F5: variants seen among roughly 807,000 people sequenced by gnomAD.
The protein encoded by F5 is coagulation factor V.
A neutral mutation model predicts 216.4 loss-of-function variants in F5; 138 were observed. That is an observed-to-expected ratio of 0.64 (90% confidence interval 0.56 to 0.73). The LOEUF (loss-of-function observed/expected upper bound fraction) is 0.73. Ranked by LOEUF, F5 falls within the 30% of genes least tolerant of loss-of-function variation. The pLI is 0.00. For synonymous variants in F5, 916 were observed against 930.7 expected (o/e 0.98, Z 0.29); for missense variants, 2,403 against 2,674.0 (o/e 0.90, Z 2.24).
chr1:169,546,653 A>G (rs554008319), intron 10 of F5, 61 bp from the exon 11 acceptor site: 2 of 1,475,724 alleles, frequency 1.4e-6, no homozygotes, highest in African/African-American at 2.8e-5. Flanking sequence ...ATGGAACAGA[A>G]TAGAGAACTC....
chr1:169,552,437 G>A, intron 8 of F5, 120 bp downstream of exon 8: 1 of 824,378 alleles, frequency 1.2e-6, no homozygotes, highest in South Asian at 1.8e-5. Context: ...AAAACTAAAA[G>A]TTGCATTTGA....
At position 169,550,860 on chromosome 1, in the gene F5, A is replaced by G. The variant is rs10800456; in HGVS notation, c.1297-121T>C. ...GTGTGTATACATGTGTACACACAGT[A>G]GGAAAATTAGATCTGTTTATCTGAG... On this transcript the variant is annotated intron_variant, in intron 8 of 24. Coordinates refer to ENST00000367797, the MANE Select transcript of F5 (RefSeq NM_000130.5). The G allele has an allele frequency of 0.41, 299,790 of 725,332 alleles. 71,226 individuals are homozygous for G. The highest frequency in any genetic ancestry group is 0.91 in the East Asian group (33,421 of 36,898). 44.9% of individuals were successfully genotyped at this position (725,332 alleles called of 1,614,324 possible).
At chr1:169,573,020 C>A (rs1660762041) in intron 2 of F5, among the ~76,000 whole-genome samples, 1 of 151,870 alleles carries the variant, frequency 6.6e-6, no homozygotes, top group Admixed American at 6.6e-5. Flanking sequence ...ATCTCAGGAC[C>A]CACTGCAACC....
At chr1:169,516,081 G>A (rs958625010) in intron 23 of F5, among the ~76,000 whole-genome samples, 2 of 152,122 alleles carry the variant, frequency 1.3e-5, no homozygotes, top group African/African-American at 4.8e-5. Flanking sequence ...GGTTATCTGG[G>A]AAATAATTGG....
At chr1:169,523,742 A>G in intron 20 of F5, 59 bp downstream of exon 20, 1 of 1,392,604 alleles carries the variant, frequency 7.2e-7, no homozygotes, top group Non-Finnish European at 1.0e-6. Context: ...GAATTACTAA[A>G]TCACTTTCAT....
intron 10 of F5, among the ~76,000 whole-genome samples, chr1:169,547,302 A>G (rs1476130416): frequency 1.3e-5 from 2 of 152,240 alleles, no homozygotes; most frequent in African/African-American, 4.8e-5. Flanking sequence ...CATGACGAAC[A>G]TGCCAAAAGC....
intron 6 of F5, among the ~76,000 whole-genome samples, chr1:169,556,442 C>CAAAA (rs1660331919): frequency 3.1e-4 from 3 of 9,646 alleles, no homozygotes; most frequent in African/African-American, 1.2e-3. Flanking sequence ...AAAAAAAAAA[C>CAAAA]CTTTGCCAAT....
At chr1:169,566,610 T>C (rs935444306) in intron 3 of F5, among the ~76,000 whole-genome samples, 11 of 138,552 alleles carry the variant, frequency 7.9e-5, no homozygotes, top group East Asian at 6.2e-4. Flanking sequence ...AGGGTCAGAG[T>C]TGAAAATATC....
rs767216737 is a variant in F5, at chr1:169,572,360, T to G, written c.251-17A>C. On this transcript the variant is annotated splice_polypyrimidine_tract_variant and intron_variant, in intron 2 of 24. Transcript: ENST00000367797. ...CAAGAAGTCCTGTGAAAACAAATAT[T>G]TAAACTATGTCTGTATTCAGGGTCA... is the stretch of plus-strand genomic sequence containing the variant. 3.1e-6 allele frequency: 5 copies of G among 1,612,538 alleles called. No individual in the cohort carries two copies. The highest frequency in any genetic ancestry group is 3.4e-6 in the Non-Finnish European group (4 of 1,179,384).
At chr1:169,519,745 G>T (rs1181235869) in intron 22 of F5, among the ~76,000 whole-genome samples, 1 of 152,174 alleles carries the variant, frequency 6.6e-6, no homozygotes, top group Non-Finnish European at 1.5e-5. Context: ...CAGCCCTTCA[G>T]CAGCCAAGTG....
At chr1:169,548,084 G>T (rs1007190560) in intron 10 of F5, among the ~76,000 whole-genome samples, 3 of 152,092 alleles carry the variant, frequency 2.0e-5, no homozygotes, top group Non-Finnish European at 4.4e-5. Flanking sequence ...GCAAGTTAAC[G>T]CAAGAACAGA....
At chr1:169,518,320 C>T in intron 23 of F5, 92 bp downstream of exon 23, 1 of 1,473,902 alleles carries the variant, frequency 6.8e-7, no homozygotes, top group Non-Finnish European at 9.5e-7. Flanking sequence ...TTAAAATACT[C>T]CTGCTTCCCA....
chr1:169,576,410 C>A (rs1437903671), intron 2 of F5, among the ~76,000 whole-genome samples: 1 of 152,108 alleles, frequency 6.6e-6, no homozygotes. Context: ...TAGCTTTACA[C>A]AGGACTGTGG....
At position 169,532,889 on chromosome 1, in the gene F5, TATGG is replaced by T. The variant is rs1659622328; in HGVS notation, c.4972-1871_4972-1868del. 3.3e-5 allele frequency among the ~76,000 whole-genome samples: 5 copies of T among 152,260 alleles called. No homozygotes were observed. The South Asian group carries it at 1.0e-3, about 32-fold the overall frequency. On this transcript the variant is annotated intron_variant, in intron 14 of 24. Coordinates refer to ENST00000367797, the MANE Select transcript of F5 (RefSeq NM_000130.5). ...TTAGACAAAGCTATTCTAAAATTCA[TATGG>T]AATCAAAAAAGAGCCTGAATAGCCA...
At chr1:169,525,023 C>A (rs1659405706) in intron 18 of F5, 115 bp from the exon 19 acceptor site, 1 of 810,294 alleles carries the variant, frequency 1.2e-6, no homozygotes, top group African/African-American at 1.7e-5. Context: ...TTTTTACCTA[C>A]CTTGTGTGGC....
chr1:169,545,609 A>G (rs1163426524), intron 11 of F5, among the ~76,000 whole-genome samples: 2 of 152,226 alleles, frequency 1.3e-5, no homozygotes, highest in Non-Finnish European at 2.9e-5. Flanking sequence ...GCCAAAAGGA[A>G]GTTATGCAAA....
rs184577983 is a variant in F5, at chr1:169,522,592, G to C, written c.6048+605C>G. Reference sequence around the variant, plus strand: ...AAAATATAAGCAGAAACAGACTCAAGGTTATTGGTATAATAATGGCAGGCA... The same window carrying C: ...AAAATATAAGCAGAAACAGACTCAACGTTATTGGTATAATAATGGCAGGCA... On this transcript the variant is annotated intron_variant, in intron 21 of 24. Coordinates refer to ENST00000367797, the MANE Select transcript of F5 (RefSeq NM_000130.5). Among the ~76,000 whole-genome samples the C allele has an allele frequency of 2.3e-3, 343 of 152,166 alleles. 1 individual carries two copies. Among genetic ancestry groups the C allele is most frequent in the Middle Eastern group, 3.4e-3 (1 of 294 alleles).
At chr1:169,539,432 C>T (rs1312328564) in intron 13 of F5, among the ~76,000 whole-genome samples, 1 of 151,864 alleles carries the variant, frequency 6.6e-6, no homozygotes. Flanking sequence ...GCATCTCACT[C>T]CCTCGGGGCC....
chr1:169,582,524 T>C lies in F5; in HGVS notation c.159-2A>G, dbSNP rs1661013522. The C allele has an allele frequency of 6.7e-7, 1 of 1,500,622 alleles. No homozygotes were observed. The highest frequency in any genetic ancestry group is 1.4e-5 in the African/African-American group (1 of 72,820). 93.0% of individuals were successfully genotyped at this position (1,500,622 alleles called of 1,614,324 possible). On this transcript the variant is annotated splice_acceptor_variant, in intron 1 of 24. Coordinates refer to ENST00000367797, the MANE Select transcript of F5 (RefSeq NM_000130.5). LOFTEE classifies it high-confidence loss of function. ...AAGGAAGTTACAGAAAGATTCAAAC[T>C]GGAAATAAAATACAAAAACTAATTT...
Sources: gnomAD v4.1 joint callset for allele counts (sites outside exome capture counted in the v4.1 genomes callset) on GRCh38, gnomAD v4.1.1 for gene constraint, MANE v1.5 for transcripts, NCBI Gene and HGNC (gene_info 2026-07-23, HGNC 2026-07-21) for gene names.